The following BAZ1A variants were observed in gnomAD, a reference collection of about 807,000 sequenced individuals.
BAZ1A encodes the protein bromodomain adjacent to zinc finger domain protein 1A.
Under a neutral mutation model 185.2 loss-of-function variants are expected in BAZ1A, and 50 were observed. The observed-to-expected ratio is 0.27, with a 90% confidence interval of 0.22 to 0.34. BAZ1A has a LOEUF of 0.34. Among genes scored for constraint, BAZ1A ranks in the 10% least tolerant of loss-of-function variants. The pLI is 1.00. For synonymous variants in BAZ1A, 571 were observed against 615.6 expected (o/e 0.93, Z 1.07); for missense variants, 1,356 against 1,839.9 (o/e 0.74, Z 4.81).
chr14:34,786,001 C>T lies in BAZ1A; in HGVS notation c.1607G>A (p.Gly536Asp), dbSNP rs755465507. ...AAGATCCAAACTTTTCAAACTGCAG[C>T]CTATAGTTGTTAAAAATGAAATAGT... ...LAAAWPQLHQ[G>D]CSLKSLDLDS... The change falls in exon 14 of 27, where the codon GGC (glycine) becomes GAC (aspartate). Residue 536 changes from glycine to aspartate, a missense_variant and splice_region_variant. Physicochemically the swap from Gly to Asp is moderately conservative, Grantham distance 94 (BLOSUM62 -1). Coordinates refer to ENST00000360310, the MANE Select transcript of BAZ1A (RefSeq NM_013448.3). The T allele has an allele frequency of 6.2e-7, 1 of 1,611,572 alleles. No homozygotes were observed. The highest frequency in any genetic ancestry group is 2.2e-5 in the East Asian group (1 of 44,846).
At chr14:34,762,595 G>C (rs910032547) in intron 23 of BAZ1A, among the ~76,000 whole-genome samples, 40 of 151,634 alleles carry the variant, frequency 2.6e-4, no homozygotes, top group Admixed American at 2.4e-3. Context: ...TCCCATCTCA[G>C]ACTCCTGAGT....
At chr14:34,813,254 T>C (rs149265298) in intron 4 of BAZ1A, among the ~76,000 whole-genome samples, 53 of 151,880 alleles carry the variant, frequency 3.5e-4, no homozygotes, top group Non-Finnish European at 6.0e-4. Context: ...TAGTTGGATA[T>C]GATGGCATGT....
chr14:34,860,957 T>C (rs549910013), intron 3 of BAZ1A, among the ~76,000 whole-genome samples: 1 of 152,274 alleles, frequency 6.6e-6, no homozygotes, highest in African/African-American at 2.4e-5. Flanking sequence ...TATATCTTAA[T>C]ATAAACACAT....
intron 21 of BAZ1A, chr14:34,771,156 C>A (rs765372029): frequency 5.5e-6 from 1 of 181,244 alleles, no homozygotes; most frequent in Non-Finnish European, 1.2e-5. Context: ...TGATGCCTAG[C>A]TAATTTTTTT....
intron 23 of BAZ1A, among the ~76,000 whole-genome samples, chr14:34,763,425 A>ATT (rs1566546456): frequency 6.6e-6 from 1 of 151,658 alleles, no homozygotes; most frequent in African/African-American, 2.4e-5. Context: ...AATGTTTAAA[A>ATT]AAAAAAAAAA....
At chr14:34,811,421 A>C (rs999481400) in intron 4 of BAZ1A, among the ~76,000 whole-genome samples, 1 of 152,100 alleles carries the variant, frequency 6.6e-6, no homozygotes, top group Non-Finnish European at 1.5e-5. Flanking sequence ...GATTACAGGC[A>C]TGAGACACTG....
intron 4 of BAZ1A, among the ~76,000 whole-genome samples, chr14:34,819,280 T>C (rs983512032): frequency 2.0e-5 from 3 of 151,590 alleles, no homozygotes; most frequent in Admixed American, 6.6e-5. Context: ...TTGGAACATA[T>C]CCCCCATGGA....
chr14:34,771,957 CT>C (rs150524823), intron 20 of BAZ1A, among the ~76,000 whole-genome samples: 1 of 150,378 alleles, frequency 6.6e-6, no homozygotes, highest in South Asian at 2.1e-4. Flanking sequence ...TTGTTTTGCC[CT>C]TTTTTTTTGC....
rs1246225124 is a variant in BAZ1A, at chr14:34,765,185, C to G, written c.3385G>C (p.Val1129Leu). The stretch of plus-strand genomic sequence containing the variant: ...TCCAAGGTGGATAGGTGAAGAAAAA[C>G]TTGGGATAGACTAGCAGAAGAAAGG... ...SLLSSASLSQVFLHLSTLDRS... is the reference protein window; with the variant it reads ...SLLSSASLSQLFLHLSTLDRS... Residue 1129 changes from valine (V) to leucine (L), a missense_variant, in exon 22 of 27, where the codon GTT becomes CTT. Val to Leu is a conservative substitution (Grantham distance 32). Transcript: ENST00000360310. The G allele has an allele frequency of 1.2e-6, 2 of 1,614,038 alleles. No homozygotes were observed. Among genetic ancestry groups the G allele is most frequent in the Non-Finnish European group, 1.7e-6 (2 of 1,180,014 alleles).
Position 34,794,840 on chromosome 14 carries a change from G to T in BAZ1A, c.1272C>A (p.Ile424=), listed in dbSNP as rs1381643004. The T allele has an allele frequency of 3.1e-6, 5 of 1,614,020 alleles. No individual in the cohort carries two copies. Among genetic ancestry groups the T allele is most frequent in the Middle Eastern group, 3.3e-4 (2 of 6,084 alleles). ...TPVKTRLPPE[I]FGDALMVLEF... is the part of the protein sequence containing the mutation. ...CCAAAACCATCAGAGCATCACCAAAGATTTCAGGAGGTAGTCTAGTTTTCA... is the reference window on the plus strand; with the variant it reads ...CCAAAACCATCAGAGCATCACCAAATATTTCAGGAGGTAGTCTAGTTTTCA... The change falls in exon 11 of 27, where the codon ATC becomes ATA. Residue 424 remains isoleucine (I), a synonymous_variant. Transcript: ENST00000360310.
chr14:34,817,210 TTATAAA>T (rs1253351098), intron 4 of BAZ1A, among the ~76,000 whole-genome samples: 1 of 152,038 alleles, frequency 6.6e-6, no homozygotes, highest in African/African-American at 2.4e-5. Context: ...TTACTTTTAC[TTATAAA>T]TATAAATCAA....
chr14:34,773,487 A>G (rs1879367218), intron 20 of BAZ1A, 85 bp downstream of exon 20: 7 of 1,174,244 alleles, frequency 6.0e-6, no homozygotes, highest in South Asian at 4.9e-5. Flanking sequence ...AAAAAGCAAC[A>G]TATTTACTTA....
intron 20 of BAZ1A, 125 bp from the exon 21 acceptor site, chr14:34,771,784 G>A: frequency 1.2e-6 from 1 of 828,798 alleles, no homozygotes; most frequent in Non-Finnish European, 1.8e-6. Flanking sequence ...ATCTCAAGGA[G>A]TTGCAGTAAA....
chr14:34,844,775 G>GCA (rs773913609), intron 3 of BAZ1A, among the ~76,000 whole-genome samples: 30 of 135,596 alleles, frequency 2.2e-4, no homozygotes, highest in African/African-American at 7.5e-4. Context: ...ACACACACAC[G>GCA]CGCACACACA....
At chr14:34,757,384 G>A (rs1169877237) in intron 25 of BAZ1A, among the ~76,000 whole-genome samples, 2 of 130,142 alleles carry the variant, frequency 1.5e-5, no homozygotes, top group Non-Finnish European at 3.2e-5. Flanking sequence ...AAAAAAAAAG[G>A]CTGGGTGCAG....
At chr14:34,848,545 T>G (rs990110842) in intron 3 of BAZ1A, among the ~76,000 whole-genome samples, 5 of 152,104 alleles carry the variant, frequency 3.3e-5, no homozygotes, top group African/African-American at 9.7e-5. Flanking sequence ...GGAGTTGCAG[T>G]GAGCCAAAAT....
intron 12 of BAZ1A, among the ~76,000 whole-genome samples, chr14:34,791,816 T>C (rs1470546356): frequency 6.6e-6 from 1 of 152,214 alleles, no homozygotes; most frequent in Non-Finnish European, 1.5e-5. Flanking sequence ...CAATCTCTTA[T>C]TAGAAATGCT....
intron 17 of BAZ1A, among the ~76,000 whole-genome samples, chr14:34,779,513 G>A (rs61981230): frequency 6.6e-6 from 1 of 151,800 alleles, no homozygotes; most frequent in African/African-American, 2.4e-5. Flanking sequence ...CCATGATACA[G>A]GAAATTTTCT....
chr14:34,796,208 C>T (rs1037047543), intron 9 of BAZ1A, among the ~76,000 whole-genome samples: 3 of 138,684 alleles, frequency 2.2e-5, no homozygotes, highest in African/African-American at 5.1e-5. Context: ...GCATGCTGAG[C>T]GTGGTGGCAT....
Sources: allele counts gnomAD v4.1 joint callset (sites outside exome capture counted in the v4.1 genomes callset), GRCh38; gene constraint gnomAD v4.1.1; transcripts MANE v1.5; gene names NCBI Gene and HGNC (gene_info 2026-07-23, HGNC 2026-07-21).